Variants in NCAPG observed in about 807,000 individuals in gnomAD.
NCAPG encodes non-SMC condensin I complex subunit G, also known as condensin complex subunit 3.
Under a neutral mutation model 113.1 loss-of-function variants are expected in NCAPG, and 69 were observed. The observed-to-expected ratio is 0.61, with a 90% CI of 0.50 to 0.75. NCAPG has a LOEUF of 0.75. Among genes scored for constraint, NCAPG ranks in the 30% least tolerant of loss-of-function variants. The probability of loss-of-function intolerance (pLI) is 0.00; values close to 1 mark genes in which losing one functional copy is unlikely to be tolerated. For missense variants in NCAPG, 1,058 were observed against 1,177.0 expected, an observed-to-expected ratio of 0.90 and a Z score of 1.48; for synonymous variants, 370 against 415.8, an observed-to-expected ratio of 0.89 and a Z score of 1.34.
rs1236568142 is a variant in NCAPG at position 17,837,763 on chromosome 4, G to A, written c.2428G>A (p.Gly810Arg). 1 of 1,613,886 alleles carries A rather than the reference G, an allele frequency of 6.2e-7. No individual in the cohort carries two copies. Among genetic ancestry groups the A allele is most frequent in the Non-Finnish European group, 8.5e-7 (1 of 1,179,848 alleles). ...ELLVDLTRPS[G>R]LNPQAKTSQD... The stretch of plus-strand genomic sequence containing the variant: ...ACTTGTAGATTTGACAAGACCAAGT[G>A]GATTAAATCCTCAGGCCAAGACTTC... The change falls in exon 16 of 21, where the codon GGA becomes AGA. Residue 810 changes from glycine to arginine, a missense_variant. Gly to Arg is a moderately radical substitution (Grantham distance 125). Transcript: ENST00000251496.
At chr4:17,824,902 A>G in intron 9 of NCAPG, 66 bp from the exon 10 acceptor site, 1 of 1,147,518 alleles carries the variant, frequency 8.7e-7, no homozygotes. Context: ...GGAGTTTTAT[A>G]TAGAATTTTG....
Position 17,823,092 on chromosome 4 carries a change from A to G in NCAPG, c.1228A>G (p.Lys410Glu), listed in dbSNP as rs1428110806. ...AGGTCAACAATTGATTCTAATTATT[A>G]AGTCTTTGGATACCAGTGAAGAAGG... ...FIGQQLILII[K>E]SLDTSEEGGR... The change falls in exon 8 of 21, where the codon AAG becomes GAG. Residue 410 changes from lysine (K) to glutamate (E), a missense_variant. Physicochemically the swap from Lys to Glu is moderately conservative, Grantham distance 56. Transcript: ENST00000251496. The G allele has an allele frequency of 6.2e-7, 1 of 1,609,564 alleles. No homozygotes were observed. The highest frequency in any genetic ancestry group is 8.5e-7 in the Non-Finnish European group (1 of 1,178,312).
Position 17,843,782 on chromosome 4 carries a change from T to C in NCAPG, c.*357T>C, listed in dbSNP as rs760864323. The C allele has an allele frequency of 6.3e-6, 1 of 159,906 alleles. No individual in the cohort carries two copies. Among genetic ancestry groups the C allele is most frequent in the African/African-American group, 2.4e-5 (1 of 41,586 alleles). The allele number at this position is 159,906 out of a possible 1,614,324, so 9.9% of individuals were successfully genotyped here. On this transcript the variant is annotated 3_prime_UTR_variant, in exon 21 of 21. Transcript: ENST00000251496. ...TAGTAGCTTGCATTTGAGAAGCTTA[T>C]GACTTAGATGGGCAGAATCAACAAA...
Position 17,834,282 on chromosome 4 carries a change from G to C in NCAPG, c.1885-17G>C. On this transcript the variant is annotated splice_polypyrimidine_tract_variant and intron_variant, in intron 13 of 20. Transcript: ENST00000251496. Reference sequence around the variant, plus strand: ...TTACTGAATTTACTTTTTTTGGTGGGGAATATCTTGATTTAGGTTTTGCAA... The same window carrying C: ...TTACTGAATTTACTTTTTTTGGTGGCGAATATCTTGATTTAGGTTTTGCAA... 1 of 1,499,272 alleles carries C rather than the reference G, an allele frequency of 6.7e-7. No individual in the cohort carries two copies. The highest frequency in any genetic ancestry group is 1.4e-5 in the African/African-American group (1 of 70,580). The allele number at this position is 1,499,272 out of a possible 1,614,324, so 92.9% of individuals were successfully genotyped here.
chr4:17,821,747 G>T (rs1479029369), intron 7 of NCAPG, among the ~76,000 whole-genome samples: 1 of 150,194 alleles, frequency 6.7e-6, no homozygotes, highest in Non-Finnish European at 1.5e-5. Context: ...TTACAGGTGT[G>T]AGCCACTGTG....
At chr4:17,842,949 A>G (rs956020191) in intron 20 of NCAPG, 2 of 169,012 alleles carry the variant, frequency 1.2e-5, no homozygotes, top group Non-Finnish European at 2.6e-5. Context: ...AAATCAAGAG[A>G]GAGAACTTAA....
chr4:17,824,276 A>G (rs1383343682), intron 9 of NCAPG, among the ~76,000 whole-genome samples: 1 of 152,176 alleles, frequency 6.6e-6, no homozygotes, highest in Non-Finnish European at 1.5e-5. Flanking sequence ...ATTGTTTACT[A>G]TAATACTATT....
chr4:17,837,450 T>C, intron 15 of NCAPG, 110 bp downstream of exon 15: 3 of 1,250,264 alleles, frequency 2.4e-6, no homozygotes, highest in South Asian at 1.5e-5. Flanking sequence ...CTGTCTTTAG[T>C]AGATAAATGA....
At position 17,843,690 on chromosome 4, in the gene NCAPG, A is replaced by G. The variant is rs748227858; in HGVS notation, c.*265A>G. Reference sequence around the variant, plus strand: ...ATCTCATTTTTAAATAGTCTCTCCAAGTGATTCTTATGAACTCTTTATGTT... The same window carrying G: ...ATCTCATTTTTAAATAGTCTCTCCAGGTGATTCTTATGAACTCTTTATGTT... On this transcript the variant is annotated 3_prime_UTR_variant, in exon 21 of 21. Transcript: ENST00000251496. 2.7e-5 allele frequency: 7 copies of G among 262,758 alleles called. No homozygotes were observed. The highest frequency in any genetic ancestry group is 5.2e-5 in the Non-Finnish European group (7 of 134,182). The allele number at this position is 262,758 out of a possible 1,614,324, so 16.3% of individuals were successfully genotyped here.
In NCAPG at chr4:17,828,359, G is replaced by A; in HGVS notation, c.1735G>A (p.Ala579Thr). ...GATGTCCATTTCAACAGGCTTAAGT[G>A]CAACCATGAATGGAATCATCGAATC... Reference protein sequence around the residue: ...KQMSISTGLSATMNGIIESLI... With the variant: ...KQMSISTGLSTTMNGIIESLI... Residue 579 changes from alanine (A) to threonine (T), a missense_variant, in exon 12 of 21, where the codon GCA becomes ACA. Physicochemically the swap from Ala to Thr is moderately conservative, Grantham distance 58 (BLOSUM62 0). Transcript: ENST00000251496. 2 of 1,606,398 alleles carry A rather than the reference G, an allele frequency of 1.2e-6. No homozygotes were observed. Among genetic ancestry groups the A allele is most frequent in the Non-Finnish European group, 1.7e-6 (2 of 1,175,754 alleles).
In NCAPG at chr4:17,821,535, C is replaced by T. The variant is rs562957336; in HGVS notation, c.1119-1448C>T. On this transcript the variant is annotated intron_variant, in intron 7 of 20. Coordinates refer to ENST00000251496, the MANE Select transcript of NCAPG (RefSeq NM_022346.5). ...CTGGAGTGCAGTAGCGTGATCTTGGCTTACTGCAGCCTCTGCCTCCCAGGT... is the reference window on the plus strand; with the variant it reads ...CTGGAGTGCAGTAGCGTGATCTTGGTTTACTGCAGCCTCTGCCTCCCAGGT... 1.5e-3 allele frequency among the ~76,000 whole-genome samples: 204 copies of T among 138,256 alleles called. 1 individual carries two copies. The highest frequency in any genetic ancestry group is 5.2e-3 in the African/African-American group (193 of 37,080). 90.7% of individuals were successfully genotyped at this position (138,256 alleles called of 152,430 possible). A position where few individuals can be genotyped will look rare whatever the true frequency, so the allele number is the denominator to read the frequency against.
chr4:17,820,778 T>A (rs1377994145), intron 7 of NCAPG, among the ~76,000 whole-genome samples: 3 of 152,148 alleles, frequency 2.0e-5, no homozygotes, highest in African/African-American at 7.2e-5. Context: ...AGGAATATGT[T>A]TTCAGGCATA....
Position 17,811,024 on chromosome 4 carries a change from T to C in NCAPG, c.-54T>C. The C allele has an allele frequency of 1.7e-6, 2 of 1,172,696 alleles. No individual in the cohort carries two copies. The highest frequency in any genetic ancestry group is 2.3e-6 in the Non-Finnish European group (2 of 858,766). 72.6% of individuals were successfully genotyped at this position (1,172,696 alleles called of 1,614,324 possible). Reference sequence around the variant, plus strand: ...GAGCGCTGCCTCTGGGTTGGCGGGCTGGCAGGCTGTAGCCGAGCGCGGGCA... The same window carrying C: ...GAGCGCTGCCTCTGGGTTGGCGGGCCGGCAGGCTGTAGCCGAGCGCGGGCA... On this transcript the variant is annotated 5_prime_UTR_variant, in exon 1 of 21. Transcript: ENST00000251496. The surrounding 1 kb of genome is among the most constrained non-coding windows in gnomAD (Gnocchi z 5.3).
intron 7 of NCAPG, among the ~76,000 whole-genome samples, chr4:17,820,014 C>T (rs998162085): frequency 6.6e-6 from 1 of 151,784 alleles, no homozygotes; most frequent in Non-Finnish European, 1.5e-5. Context: ...GCTGTTTGGG[C>T]CATGTTGAAA....
Position 17,823,702 on chromosome 4 carries a change from T to C in NCAPG, c.1315T>C (p.Ser439Pro), listed in dbSNP as rs1433613012. Residue 439 changes from serine to proline, a missense_variant, in exon 9 of 21, where the codon TCC becomes CCC. Transcript: ENST00000251496. ...EILILPTIPISLVSFLVERLL... is the reference protein window; with the variant it reads ...EILILPTIPIPLVSFLVERLL... ...TCTTATTTTACCCACAATCCCAATA[T>C]CCCTGGTTTCTTTTCTTGTTGAAAG... The C allele has an allele frequency of 1.2e-6, 2 of 1,609,330 alleles. No homozygotes were observed. Among genetic ancestry groups the C allele is most frequent in the Non-Finnish European group, 1.7e-6 (2 of 1,176,146 alleles).
rs762043879 is a variant in NCAPG, at chr4:17,812,363, A to G, written c.254A>G (p.Glu85Gly). The G allele has an allele frequency of 1.2e-6, 2 of 1,613,840 alleles. No individual in the cohort carries two copies. Among genetic ancestry groups the G allele is most frequent in the South Asian group, 2.2e-5 (2 of 91,082 alleles). ...FVTSFHQSDMEDDEEEEDGGL... is the reference protein window; with the variant it reads ...FVTSFHQSDMGDDEEEEDGGL... ...ACCTCATTTCACCAATCAGATATGG[A>G]AGATGATGAGGAAGAGGAAGATGGT... Residue 85 changes from glutamate (E) to glycine (G), a missense_variant, in exon 2 of 21, where the codon GAA (glutamate) becomes GGA (glycine). Transcript: ENST00000251496.
At chr4:17,812,053 A>T (rs954837720) in intron 1 of NCAPG, among the ~76,000 whole-genome samples, 168 bp from the exon 2 acceptor site, 1 of 152,252 alleles carries the variant, frequency 6.6e-6, no homozygotes, top group Non-Finnish European at 1.5e-5. Flanking sequence ...AGAGAAATTC[A>T]TGCAAATTGA....
intron 7 of NCAPG, 118 bp from the exon 8 acceptor site, chr4:17,822,865 A>G: frequency 1.5e-6 from 1 of 671,062 alleles, no homozygotes; most frequent in Non-Finnish European, 2.4e-6. Flanking sequence ...TACATGGCAT[A>G]GATATGTATT....
Position 17,839,782 on chromosome 4 carries a change from A to G in NCAPG, c.2573A>G (p.Glu858Gly). 6.3e-7 allele frequency: 1 copy of G among 1,587,946 alleles called. No individual in the cohort carries two copies. Residue 858 changes from glutamate (E) to glycine (G), a missense_variant, in exon 17 of 21, where the codon GAA (glutamate) becomes GGA (glycine). By Grantham distance (98) the Glu-to-Gly change is moderately conservative. Coordinates refer to ENST00000251496, the MANE Select transcript of NCAPG (RefSeq NM_022346.5). ...RVYTKALSSL[E>G]LSSHLAKDLL... ...TATACAAAAGCCTTGAGTTCTTTAG[A>G]ACTCAGTAGCCATCTTGCAAAAGAT...
Sources: gnomAD v4.1 joint callset for allele counts (sites outside exome capture counted in the v4.1 genomes callset) on GRCh38, gnomAD v4.1.1 for gene constraint, Gnocchi (gnomAD v3.1) non-coding constraint, MANE v1.5 for transcripts, NCBI Gene and HGNC (gene_info 2026-07-23, HGNC 2026-07-21) for gene names.